The following OLFML1 variants were observed in gnomAD, a reference collection of about 807,000 sequenced individuals.
OLFML1 encodes olfactomedin-like protein 1.
OLFML1 carries 33 observed loss-of-function variants against 37.3 expected under a neutral mutation model. That is an observed-to-expected ratio of 0.88 (90% CI 0.67 to 1.18). OLFML1 has a LOEUF of 1.18. Ranked by LOEUF, OLFML1 falls within the 50% of genes most tolerant of loss-of-function variation. The pLI is 0.00. For synonymous variants in OLFML1, 186 were observed against 181.3 expected, an observed-to-expected ratio of 1.03 and a Z score of -0.21; for missense variants, 545 against 483.7, an observed-to-expected ratio of 1.13 and a Z score of -1.19.
Position 7,509,951 on chromosome 11 carries a change from TG to T in OLFML1, c.976del (p.Val326PhefsTer45). 6.2e-7 allele frequency: 1 copy of T among 1,614,232 alleles called. No individual in the cohort carries two copies. The highest frequency in any genetic ancestry group is 8.5e-7 in the Non-Finnish European group (1 of 1,180,038). ...QDAEASFLLCGVLYVVYSTGG... is the reference protein window; with the variant it reads ...QDAEASFLLCXVLYVVYSTGG... Reference sequence around the variant, plus strand: ...ATGCTGAAGCCTCATTCCTCTTGTGTGGGGTTCTCTATGTGGTCTACAGTAC... The same window carrying T: ...ATGCTGAAGCCTCATTCCTCTTGTGTGGGTTCTCTATGTGGTCTACAGTAC... On this transcript the variant is annotated frameshift_variant, in exon 3 of 3. Transcript: ENST00000329293. LOFTEE classifies it high-confidence loss of function.
At chr11:7,496,589 T>C (rs1848664560) in intron 2 of OLFML1, among the ~76,000 whole-genome samples, 1 of 152,032 alleles carries the variant, frequency 6.6e-6, no homozygotes, top group Admixed American at 6.5e-5. Flanking sequence ...ACAGGAAGAA[T>C]CCATGGGGAA....
intron 2 of OLFML1, among the ~76,000 whole-genome samples, chr11:7,493,034 G>A (rs1007078361): frequency 2.0e-5 from 3 of 152,142 alleles, no homozygotes; most frequent in South Asian, 2.1e-4. Context: ...GTATGGATAC[G>A]AGTATTAACT....
chr11:7,495,340 C>G (rs182853687), intron 2 of OLFML1, among the ~76,000 whole-genome samples: 1 of 152,066 alleles, frequency 6.6e-6, no homozygotes, highest in African/African-American at 2.4e-5. Flanking sequence ...AGCAACCCCC[C>G]CAAAAATAAC....
chr11:7,509,787 A>C lies in OLFML1; in HGVS notation c.808A>C (p.Ile270Leu). Reference protein sequence around the residue: ...LVYQHSPSTYIDLAVDEHGLW... With the variant: ...LVYQHSPSTYLDLAVDEHGLW... ...TTACCAGCACTCCCCCTCAACTTAC[A>C]TTGACCTGGCTGTGGATGAGCATGG... is the stretch of plus-strand genomic sequence containing the variant. Residue 270 changes from isoleucine to leucine, a missense_variant, in exon 3 of 3, where the codon ATT becomes CTT. Physicochemically the swap from Ile to Leu is conservative, Grantham distance 5. Coordinates refer to ENST00000329293, the MANE Select transcript of OLFML1 (RefSeq NM_198474.4). 6.2e-7 allele frequency: 1 copy of C among 1,614,214 alleles called. No homozygotes were observed. The highest frequency in any genetic ancestry group is 8.5e-7 in the Non-Finnish European group (1 of 1,180,024).
At chr11:7,490,972 A>C (rs570177720) in intron 2 of OLFML1, among the ~76,000 whole-genome samples, 46 of 152,204 alleles carry the variant, frequency 3.0e-4, no homozygotes, top group African/African-American at 1.0e-3. Context: ...ATCCATTCAA[A>C]TCTCCTAGCT....
chr11:7,508,916 T>G (rs1848817959), intron 2 of OLFML1, among the ~76,000 whole-genome samples: 1 of 152,262 alleles, frequency 6.6e-6, no homozygotes, highest in African/African-American at 2.4e-5. Flanking sequence ...CAATCCCAAG[T>G]GCTCTAGAGA....
chr11:7,489,023 A>G (rs1181865588), intron 2 of OLFML1: 1 of 152,138 alleles, frequency 6.6e-6, no homozygotes, highest in African/African-American at 2.4e-5. Context: ...GACAAAGAAA[A>G]ATTTTCTGTG....
In OLFML1 at chr11:7,510,195, A is replaced by G; in HGVS notation, c.*7A>G. ...AAAGCTGCCTCTGAAGTAATGCATT[A>G]CAGCTGTGAGAAAGAGCACTGTGGC... On this transcript the variant is annotated 3_prime_UTR_variant, in exon 3 of 3. Coordinates refer to ENST00000329293, the MANE Select transcript of OLFML1 (RefSeq NM_198474.4). 6.3e-7 allele frequency: 1 copy of G among 1,594,118 alleles called. No individual in the cohort carries two copies. Among genetic ancestry groups the G allele is most frequent in the Non-Finnish European group, 8.5e-7 (1 of 1,175,080 alleles).
intron 2 of OLFML1, among the ~76,000 whole-genome samples, chr11:7,508,067 A>G (rs1284059382): frequency 6.6e-6 from 1 of 152,256 alleles, no homozygotes; most frequent in Non-Finnish European, 1.5e-5. Context: ...GTAAGCTAGG[A>G]AAAGAAAATG....
chr11:7,492,340 TG>T (rs1370520997), intron 2 of OLFML1, among the ~76,000 whole-genome samples: 1 of 152,172 alleles, frequency 6.6e-6, no homozygotes, highest in Non-Finnish European at 1.5e-5. Flanking sequence ...CATGGGATTA[TG>T]GGCTAGGAAG....
chr11:7,510,864 A>ATTATTAC lies in OLFML1; in HGVS notation c.*676_*677insTTATTAC, dbSNP rs2134191278. The ATTATTAC allele has an allele frequency of 6.6e-6, 1 of 152,324 alleles. No homozygotes were observed. The highest frequency in any genetic ancestry group is 2.1e-4 in the South Asian group (1 of 4,834). 9.4% of individuals were successfully genotyped at this position (152,324 alleles called of 1,614,324 possible). A position where few individuals can be genotyped will look rare whatever the true frequency, so the allele number is the denominator to read the frequency against. On this transcript the variant is annotated 3_prime_UTR_variant, in exon 3 of 3. Transcript: ENST00000329293. ...TTCCCCTAGCCCTGTCCTTCCACTA[A>ATTATTAC]GCTTGGTAGATGTAATAATAAAGTG...
Position 7,486,737 on chromosome 11 carries a change from A to G in OLFML1, c.129+733A>G, listed in dbSNP as rs113621689. 4.7e-3 allele frequency among the ~76,000 whole-genome samples: 712 copies of G among 152,328 alleles called. 8 individuals carry two copies. Among genetic ancestry groups the G allele is most frequent in the African/African-American group, 0.016 (680 of 41,576 alleles). On this transcript the variant is annotated intron_variant, in intron 1 of 2. Coordinates refer to ENST00000329293, the MANE Select transcript of OLFML1 (RefSeq NM_198474.4). Reference sequence around the variant, plus strand: ...ATACTTAATGGCTTGCTTTTGTACAAGCTAAATTGATAAATTATTTATCTT... The same window carrying G: ...ATACTTAATGGCTTGCTTTTGTACAGGCTAAATTGATAAATTATTTATCTT...
Position 7,485,666 on chromosome 11 carries a change from T to A in OLFML1, c.-210T>A, listed in dbSNP as rs1848511481. 4 of 562,574 alleles carry A rather than the reference T, an allele frequency of 7.1e-6. No individual in the cohort carries two copies. Among genetic ancestry groups the A allele is most frequent in the Non-Finnish European group, 1.3e-5 (4 of 315,872 alleles). The allele number at this position is 562,574 out of a possible 1,614,324, so 34.8% of individuals were successfully genotyped here. ...GTCTACAAGGCCTCAGGGACCAACTTGCCAACAGCTGGACTTGATCACTAG... is the reference window on the plus strand; with the variant it reads ...GTCTACAAGGCCTCAGGGACCAACTAGCCAACAGCTGGACTTGATCACTAG... On this transcript the variant is annotated 5_prime_UTR_variant, in exon 1 of 3. Coordinates refer to ENST00000329293, the MANE Select transcript of OLFML1 (RefSeq NM_198474.4).
chr11:7,497,596 A>G (rs969201396), intron 2 of OLFML1, among the ~76,000 whole-genome samples: 1 of 152,146 alleles, frequency 6.6e-6, no homozygotes, highest in African/African-American at 2.4e-5. Context: ...CACACCCTCC[A>G]CTGAAGTTCT....
intron 2 of OLFML1, among the ~76,000 whole-genome samples, chr11:7,495,650 G>A (rs1848653318): frequency 6.6e-6 from 1 of 152,010 alleles, no homozygotes; most frequent in Non-Finnish European, 1.5e-5. Context: ...TTTATGCTGT[G>A]CCTGGAACAG....
intron 1 of OLFML1, among the ~76,000 whole-genome samples, chr11:7,486,931 G>A (rs1848530661): frequency 6.6e-6 from 1 of 152,228 alleles, no homozygotes; most frequent in Non-Finnish European, 1.5e-5. Flanking sequence ...CCTGGAGGCA[G>A]TGGATGAAGT....
intron 2 of OLFML1, among the ~76,000 whole-genome samples, chr11:7,495,177 T>C (rs1277212229): frequency 6.6e-6 from 1 of 152,098 alleles, no homozygotes; most frequent in African/African-American, 2.4e-5. Flanking sequence ...CCATCTCTAG[T>C]CTTGATTCCT....
intron 1 of OLFML1, among the ~76,000 whole-genome samples, chr11:7,486,333 A>T (rs1050691739): frequency 6.6e-6 from 1 of 152,218 alleles, no homozygotes; most frequent in African/African-American, 2.4e-5. Flanking sequence ...GCATAATGGT[A>T]TGTATCTAAA....
chr11:7,499,131 T>C (rs1428324232), intron 2 of OLFML1, among the ~76,000 whole-genome samples: 31 of 152,366 alleles, frequency 2.0e-4, no homozygotes, highest in Admixed American at 1.8e-3. Context: ...GTGATACTTA[T>C]GTATGAATTT....
Sources: gnomAD v4.1 joint callset for allele counts (sites outside exome capture counted in the v4.1 genomes callset) on GRCh38, gnomAD v4.1.1 for gene constraint, MANE v1.5 for transcripts, NCBI Gene and HGNC (gene_info 2026-07-23, HGNC 2026-07-21) for gene names.